FBLN1: variants seen among roughly 807,000 people sequenced by gnomAD.
The protein encoded by FBLN1 is fibulin 1.
FBLN1 carries 34 observed loss-of-function variants against 89.7 expected under a neutral mutation model. The ratio of observed to expected loss-of-function variants is 0.38; its 90% CI spans 0.29 to 0.50. The LOEUF is 0.50. Among genes scored for constraint, FBLN1 ranks in the 20% least tolerant of loss-of-function variants. The pLI, the probability that FBLN1 is intolerant of heterozygous loss-of-function variation, is 0.92. For synonymous variants in FBLN1, 393 were observed against 391.3 expected, an observed-to-expected ratio of 1.00 and a Z score of -0.05; for missense variants, 777 against 988.1, an observed-to-expected ratio of 0.79 and a Z score of 2.86.
intron 1 of FBLN1, among the ~76,000 whole-genome samples, chr22:45,508,889 A>C (rs1399793025): frequency 1.3e-5 from 2 of 152,230 alleles, no homozygotes; most frequent in East Asian, 3.8e-4. Context: ...TACAGAGTTA[A>C]TTATTTGTGC....
chr22:45,517,428 T>C, intron 1 of FBLN1: 1 of 395,024 alleles, frequency 2.5e-6, no homozygotes, highest in Non-Finnish European at 5.1e-6. Context: ...TTCCGTGAGC[T>C]GAGGGGCTGG....
chr22:45,521,698 C>T (rs2088253106), intron 2 of FBLN1, among the ~76,000 whole-genome samples: 1 of 152,132 alleles, frequency 6.6e-6, no homozygotes, highest in Non-Finnish European at 1.5e-5. Flanking sequence ...TGGGGGTCCT[C>T]GGGTGAGCAG....
In FBLN1 at chr22:45,563,090, G is replaced by A; in HGVS notation, c.1698-11421G>A. 2 of 1,613,404 alleles carry A rather than the reference G, an allele frequency of 1.2e-6. No individual in the cohort carries two copies. The highest frequency in any genetic ancestry group is 1.3e-5 in the African/African-American group (1 of 75,024). Reference sequence around the variant, plus strand: ...GCAGCTGGCCATCACCGGCGGCAATGAGGAGGGCTTTTTCACCACCCGGAA... The same window carrying A: ...GCAGCTGGCCATCACCGGCGGCAATAAGGAGGGCTTTTTCACCACCCGGAA... On this transcript the variant is annotated intron_variant, in intron 14 of 16. Transcript: ENST00000327858. The surrounding 1 kb of genome is among the most constrained non-coding windows in gnomAD (Gnocchi z 5.7).
chr22:45,574,874 C>T lies in FBLN1; in HGVS notation c.1840+221C>T, dbSNP rs534535055. 9.3e-4 allele frequency among the ~76,000 whole-genome samples: 141 copies of T among 151,782 alleles called. No homozygotes were observed. Among genetic ancestry groups the T allele is most frequent in the African/African-American group, 1.5e-3 (60 of 41,348 alleles). On this transcript the variant is annotated intron_variant, in intron 15 of 16. Transcript: ENST00000327858. This position sits in a 1 kb window ranked among gnomAD's most constrained non-coding sequence, Gnocchi z 4.1. Reference sequence around the variant, plus strand: ...TCGGCTCACTGCAAGCTCCACCTCCCGGGTTCACGCCATTCTCCTGCCTCA... The same window carrying T: ...TCGGCTCACTGCAAGCTCCACCTCCTGGGTTCACGCCATTCTCCTGCCTCA...
In FBLN1 at chr22:45,530,807, A is replaced by G. The variant is rs1459357112; in HGVS notation, c.485-458A>G. ...AAACGGAGTCTCGCTCTTGTTGCCC[A>G]GGCTGGAGTGCAATGGTGTGATCTT... On this transcript the variant is annotated intron_variant, in intron 4 of 16. Transcript: ENST00000327858. The surrounding 1 kb of genome is among the most constrained non-coding windows in gnomAD (Gnocchi z 5.4). 6.6e-6 allele frequency among the ~76,000 whole-genome samples: 1 copy of G among 151,926 alleles called. No homozygotes were observed. The highest frequency in any genetic ancestry group is 2.4e-5 in the African/African-American group (1 of 41,352).
intron 12 of FBLN1, 47 bp downstream of exon 12, chr22:45,547,251 G>T: frequency 1.2e-6 from 2 of 1,609,260 alleles, no homozygotes; most frequent in South Asian, 2.2e-5. Context: ...CCCTGGTCTT[G>T]CCATGACACA....
chr22:45,519,712 G>T (rs374654307), intron 2 of FBLN1, among the ~76,000 whole-genome samples: 78 of 151,930 alleles, frequency 5.1e-4, no homozygotes, highest in African/African-American at 1.8e-3. Context: ...CAGAATGCCC[G>T]TGTGGAGCAC....
At position 45,581,535 on chromosome 22, in the gene FBLN1, C is replaced by G. The variant is rs16994265; in HGVS notation, c.1972+4427C>G. 1.3e-5 allele frequency among the ~76,000 whole-genome samples: 2 copies of G among 152,088 alleles called. No individual in the cohort carries two copies. Among genetic ancestry groups the G allele is most frequent in the African/African-American group, 4.8e-5 (2 of 41,368 alleles). ...TCTGTTAAAACCCTGCCAATGCCAA[C>G]AGGAGCTACAGAGCCTGCAGGTGAA... On this transcript the variant is annotated intron_variant, in intron 16 of 16. Coordinates refer to ENST00000327858, the MANE Select transcript of FBLN1 (RefSeq NM_006486.3). The surrounding 1 kb of genome is among the most constrained non-coding windows in gnomAD (Gnocchi z 7.6).
Position 45,542,258 on chromosome 22 carries a change from T to C in FBLN1, c.1170T>C (p.Phe390=), listed in dbSNP as rs2146981524. The C allele has an allele frequency of 1.2e-6, 2 of 1,614,088 alleles. No homozygotes were observed. Among genetic ancestry groups the C allele is most frequent in the Non-Finnish European group, 1.7e-6 (2 of 1,180,044 alleles). The change falls in exon 10 of 17, where the codon TTT becomes TTC. Residue 390 remains phenylalanine, a synonymous_variant. Transcript: ENST00000327858. ...FRCECKTGYY[F]DGISRMCVDV... ...GCGAATGCAAGACGGGTTACTATTT[T>C]GACGGCATCAGCAGGATGTGTGTCG...
In FBLN1 at chr22:45,561,058, A is replaced by G. The variant is rs890253765; in HGVS notation, c.1697+10443A>G. Among the ~76,000 whole-genome samples, 1 of 152,190 alleles carries G rather than the reference A, an allele frequency of 6.6e-6. No individual in the cohort carries two copies. The highest frequency in any genetic ancestry group is 1.5e-5 in the Non-Finnish European group (1 of 68,034). On this transcript the variant is annotated intron_variant, in intron 14 of 16. Transcript: ENST00000327858. The surrounding 1 kb of genome is among the most constrained non-coding windows in gnomAD (Gnocchi z 4.7). Reference sequence around the variant, plus strand: ...GCAAAAAAGATTCATCAGAGTTTATAAACTCAGTGTCCCCAGCTTCATCAG... The same window carrying G: ...GCAAAAAAGATTCATCAGAGTTTATGAACTCAGTGTCCCCAGCTTCATCAG...
rs887775785 is a variant in FBLN1 at position 45,583,080 on chromosome 22, CT to C, written c.1972+5974del. 7.5e-4 allele frequency among the ~76,000 whole-genome samples: 114 copies of C among 152,266 alleles called. 1 individual carries two copies. The highest frequency in any genetic ancestry group is 7.4e-3 in the Admixed American group (113 of 15,300). ...ATATGCTGTTAGATCCTCGAGCAGC[CT>C]TGTGGGACAGCCACCCTGGGGCTGG... On this transcript the variant is annotated intron_variant, in intron 16 of 16. Coordinates refer to ENST00000327858, the MANE Select transcript of FBLN1 (RefSeq NM_006486.3). The surrounding 1 kb of genome is among the most constrained non-coding windows in gnomAD (Gnocchi z 4.5).
intron 16 of FBLN1, among the ~76,000 whole-genome samples, chr22:45,598,401 T>C (rs2089203953): frequency 1.3e-5 from 2 of 152,220 alleles, no homozygotes; most frequent in African/African-American, 2.4e-5. Flanking sequence ...AGACAAATCC[T>C]ACTGTCAGAA....
Position 45,563,017 on chromosome 22 carries a change from G to A in FBLN1, c.1698-11494G>A, listed in dbSNP as rs138959755. ...TCCCCACCAACATCCAAGCGCCCGC[G>A]GTGGTTTTCCGCATGGGCCCCTCCA... On this transcript the variant is annotated intron_variant, in intron 14 of 16. Transcript: ENST00000327858. The surrounding 1 kb of genome is among the most constrained non-coding windows in gnomAD (Gnocchi z 5.7). 3,490 of 1,613,524 alleles carry A rather than the reference G, an allele frequency of 2.2e-3. 7 individuals are homozygous for A. The highest frequency in any genetic ancestry group is 3.6e-3 in the Middle Eastern group (22 of 6,062).
intron 16 of FBLN1, among the ~76,000 whole-genome samples, chr22:45,594,479 A>G (rs1204910195): frequency 6.6e-6 from 1 of 151,606 alleles, no homozygotes; most frequent in Non-Finnish European, 1.5e-5. Context: ...GCTCATATTT[A>G]TTCCTCAAAA....
chr22:45,505,730 A>G (rs1004371599), intron 1 of FBLN1, among the ~76,000 whole-genome samples: 13 of 152,216 alleles, frequency 8.5e-5, no homozygotes, highest in African/African-American at 3.1e-4. Context: ...GAGAGAGAAC[A>G]TAGGATAGTG....
Position 45,541,273 on chromosome 22 carries a change from C to T in FBLN1, c.967C>T (p.His323Tyr). 6.2e-7 allele frequency: 1 copy of T among 1,614,212 alleles called. No individual in the cohort carries two copies. Among genetic ancestry groups the T allele is most frequent in the African/African-American group, 1.3e-5 (1 of 75,066 alleles). The change falls in exon 9 of 17, where the codon CAT becomes TAT. Residue 323 changes from histidine (H) to tyrosine (Y), a missense_variant. By Grantham distance (83) the His-to-Tyr change is moderately conservative. Coordinates refer to ENST00000327858, the MANE Select transcript of FBLN1 (RefSeq NM_006486.3). ...LSISAPCPIG[H>Y]TCINTEGSYT... ...TATCAGTGCCCCGTGCCCTATCGGG[C>T]ATACATGCATCAACACAGAGGGCTC...
At chr22:45,527,795 C>T (rs190144664) in intron 3 of FBLN1, 52 bp from the exon 4 acceptor site, 40 of 1,608,506 alleles carry the variant, frequency 2.5e-5, no homozygotes, top group South Asian at 1.4e-4. Flanking sequence ...TCGTGGACCC[C>T]GCTGGGCTGT....
chr22:45,584,900 C>T (rs554053669), intron 16 of FBLN1, among the ~76,000 whole-genome samples: 1 of 152,250 alleles, frequency 6.6e-6, no homozygotes, highest in Non-Finnish European at 1.5e-5. Context: ...CAAGTCCTAT[C>T]ATCCTTGAAT....
rs2088996522 is a variant in FBLN1, at chr22:45,576,283, A to G, written c.1841-694A>G. Among the ~76,000 whole-genome samples the G allele has an allele frequency of 6.6e-6, 1 of 152,158 alleles. No individual in the cohort carries two copies. The highest frequency in any genetic ancestry group is 1.9e-4 in the East Asian group (1 of 5,196). On this transcript the variant is annotated intron_variant, in intron 15 of 16. Coordinates refer to ENST00000327858, the MANE Select transcript of FBLN1 (RefSeq NM_006486.3). This position sits in a 1 kb window ranked among gnomAD's most constrained non-coding sequence, Gnocchi z 5.2. The stretch of plus-strand genomic sequence containing the variant: ...GGCTGGTTTTGTGGCCTCTCCGGCC[A>G]GCCCCGATCTGAGTGTTGGTTATCG...
Sources: gnomAD v4.1 joint callset for allele counts (sites outside exome capture counted in the v4.1 genomes callset) on GRCh38, gnomAD v4.1.1 for gene constraint, Gnocchi (gnomAD v3.1) non-coding constraint, MANE v1.5 for transcripts, NCBI Gene and HGNC (gene_info 2026-07-23, HGNC 2026-07-21) for gene names.